PDPK1: variants seen among roughly 807,000 people sequenced by gnomAD.
PDPK1 encodes 3-phosphoinositide-dependent protein kinase 1.
PDPK1 carries 7 observed loss-of-function variants against 39.8 expected under a neutral mutation model. The observed-to-expected ratio is 0.18, with a 90% CI of 0.10 to 0.33. The LOEUF (loss-of-function observed/expected upper bound fraction) is 0.33, where lower values mean the gene tolerates loss of function less well. Ranked by LOEUF, PDPK1 falls within the 10% of genes least tolerant of loss-of-function variation. The probability of loss-of-function intolerance (pLI) is 1.00; values close to 1 mark genes in which losing one functional copy is unlikely to be tolerated. For synonymous variants in PDPK1, 118 were observed against 159.1 expected (o/e 0.74, Z 1.95); for missense variants, 182 against 384.7 (o/e 0.47, Z 4.41).
In PDPK1 at chr16:2,603,088, C is replaced by CTT. The variant is rs111618468; in HGVS notation, c.*5331_*5332dup. ...ATATAATTTAATGAATCTGTTTATC[C>CTT]TTTTTTTTTTTCCAAATACTTGTGC... On this transcript the variant is annotated 3_prime_UTR_variant, in exon 14 of 14. Transcript: ENST00000342085. 0.021 allele frequency: 4,214 copies of CTT among 203,448 alleles called. 161 individuals carry two copies. Among genetic ancestry groups the CTT allele is most frequent in the African/African-American group, 0.088 (3,775 of 42,908 alleles). 12.6% of individuals were successfully genotyped at this position (203,448 alleles called of 1,614,324 possible).
chr16:2,603,093 T>A lies in PDPK1; in HGVS notation c.*5326T>A, dbSNP rs1443790766. ...ATTTAATGAATCTGTTTATCCTTTT[T>A]TTTTTTCCAAATACTTGTGCTTTAG... On this transcript the variant is annotated 3_prime_UTR_variant, in exon 14 of 14. Coordinates refer to ENST00000342085, the MANE Select transcript of PDPK1 (RefSeq NM_002613.5). 2 of 227,584 alleles carry A rather than the reference T, an allele frequency of 8.8e-6. No individual in the cohort carries two copies. Among genetic ancestry groups the A allele is most frequent in the African/African-American group, 4.4e-5 (2 of 44,996 alleles). 14.1% of individuals were successfully genotyped at this position (227,584 alleles called of 1,614,324 possible). A position where few individuals can be genotyped will look rare whatever the true frequency, so the allele number is the denominator to read the frequency against.
At chr16:2,588,959 G>A (rs954065575) in intron 11 of PDPK1, among the ~76,000 whole-genome samples, 1 of 152,068 alleles carries the variant, frequency 6.6e-6, no homozygotes, top group African/African-American at 2.4e-5. Flanking sequence ...GTATCAATAT[G>A]TTTTGTTTTT....
chr16:2,585,289 G>A (rs2066844238), intron 10 of PDPK1, among the ~76,000 whole-genome samples: 1 of 152,202 alleles, frequency 6.6e-6, no homozygotes, highest in African/African-American at 2.4e-5. Flanking sequence ...CCCATCCTTA[G>A]CTCTGCACAG....
Position 2,601,229 on chromosome 16 carries a change from A to T in PDPK1, c.*3462A>T, listed in dbSNP as rs2067208869. 1 of 234,086 alleles carries T rather than the reference A, an allele frequency of 4.3e-6. No individual in the cohort carries two copies. The highest frequency in any genetic ancestry group is 2.2e-5 in the African/African-American group (1 of 45,266). 14.5% of individuals were successfully genotyped at this position (234,086 alleles called of 1,614,324 possible). On this transcript the variant is annotated 3_prime_UTR_variant, in exon 14 of 14. Transcript: ENST00000342085. The stretch of plus-strand genomic sequence containing the variant: ...GTAGACGCTCACTTCCAGTAGCAGA[A>T]CCACCTTAGTTGTGTCTTACAGATT...
intron 11 of PDPK1, among the ~76,000 whole-genome samples, chr16:2,590,609 C>G (rs2066970410): frequency 1.3e-5 from 2 of 152,210 alleles, no homozygotes; most frequent in African/African-American, 4.8e-5. Context: ...GTTATGCAGA[C>G]TTAGCTATTT....
chr16:2,596,458 T>G (rs535713643), intron 12 of PDPK1, among the ~76,000 whole-genome samples: 1 of 152,216 alleles, frequency 6.6e-6, no homozygotes, highest in South Asian at 2.1e-4. Context: ...CCTTCCAAAG[T>G]GCTGGGATTA....
intron 7 of PDPK1, among the ~76,000 whole-genome samples, 161 bp downstream of exon 7, chr16:2,577,661 C>G (rs897289059): frequency 2.7e-5 from 4 of 149,032 alleles, no homozygotes; most frequent in Admixed American, 2.0e-4. Flanking sequence ...ACACGTGATG[C>G]GTTAGTGTTG....
In PDPK1 at chr16:2,598,931, C is replaced by T. The variant is rs927237625; in HGVS notation, c.*1164C>T. 2.1e-5 allele frequency: 5 copies of T among 233,216 alleles called. No individual in the cohort carries two copies. The highest frequency in any genetic ancestry group is 1.2e-4 in the East Asian group (2 of 16,602). The allele number at this position is 233,216 out of a possible 1,614,324, so 14.4% of individuals were successfully genotyped here. A position where few individuals can be genotyped will look rare whatever the true frequency, so the allele number is the denominator to read the frequency against. ...AAATCTCACAGCCTTCTCATGCTGC[C>T]GGCTCATCTGGGCCCATAGAGTGGG... On this transcript the variant is annotated 3_prime_UTR_variant, in exon 14 of 14. Transcript: ENST00000342085.
intron 1 of PDPK1, among the ~76,000 whole-genome samples, chr16:2,546,434 A>G (rs2066348393): frequency 6.6e-6 from 1 of 152,084 alleles, no homozygotes; most frequent in Admixed American, 6.5e-5. Context: ...CCCCGGTTCA[A>G]GCGATTCTCC....
chr16:2,597,637 T>G lies in PDPK1; in HGVS notation c.1555-14T>G. On this transcript the variant is annotated splice_polypyrimidine_tract_variant and intron_variant, in intron 13 of 13. Coordinates refer to ENST00000342085, the MANE Select transcript of PDPK1 (RefSeq NM_002613.5). This position sits in a 1 kb window ranked among gnomAD's most constrained non-coding sequence, Gnocchi z 6.3. ...GACTCCCTGGAGAACACTAAACGGC[T>G]TCTGTCTTCGCAGCCTAACAGGACG... is the stretch of plus-strand genomic sequence containing the variant. The G allele has an allele frequency of 6.3e-7, 1 of 1,588,476 alleles. No homozygotes were observed. The highest frequency in any genetic ancestry group is 8.6e-7 in the Non-Finnish European group (1 of 1,156,842).
chr16:2,544,685 A>G (rs1454674434), intron 1 of PDPK1, among the ~76,000 whole-genome samples: 6 of 150,308 alleles, frequency 4.0e-5, no homozygotes, highest in African/African-American at 7.4e-5. Context: ...CTGGGTTCAC[A>G]CCATTCTCCT....
intron 7 of PDPK1, chr16:2,578,274 C>T (rs2066755885): frequency 6.8e-6 from 1 of 147,260 alleles, no homozygotes; most frequent in African/African-American, 2.7e-5. Context: ...CTTTGAGAGA[C>T]ACAGCTGGGT....
chr16:2,596,083 C>T (rs2067096169), intron 12 of PDPK1, among the ~76,000 whole-genome samples: 1 of 152,236 alleles, frequency 6.6e-6, no homozygotes, highest in Admixed American at 6.5e-5. Flanking sequence ...TCCTGGGAGC[C>T]TGGGGCTGCC....
chr16:2,588,030 G>T (rs577603072), intron 11 of PDPK1, among the ~76,000 whole-genome samples: 1 of 152,186 alleles, frequency 6.6e-6, no homozygotes, highest in Non-Finnish European at 1.5e-5. Context: ...CACAAGACGA[G>T]GGGGAGTTGA....
intron 6 of PDPK1, among the ~76,000 whole-genome samples, chr16:2,573,322 G>A (rs2066668534): frequency 3.9e-3 from 5 of 1,294 alleles, no homozygotes; most frequent in South Asian, 0.035. Flanking sequence ...AGCCTGCCGG[G>A]ATCTGAGAAG....
At chr16:2,586,613 T>C in intron 10 of PDPK1, 63 bp from the exon 11 acceptor site, 1 of 1,435,848 alleles carries the variant, frequency 7.0e-7, no homozygotes, top group Non-Finnish European at 9.8e-7. Context: ...CGGGAGGGGC[T>C]GGGGTTTTAG....
chr16:2,544,996 A>G (rs1383139519), intron 1 of PDPK1, among the ~76,000 whole-genome samples: 1 of 151,334 alleles, frequency 6.6e-6, no homozygotes, highest in Non-Finnish European at 1.5e-5. Flanking sequence ...TGTCACCTGT[A>G]CAACCTCTTC....
chr16:2,538,623 T>C, intron 1 of PDPK1: 1 of 1,289,082 alleles, frequency 7.8e-7, no homozygotes, highest in South Asian at 1.2e-5. Context: ...TTCCAGATTC[T>C]TGATGACAGT....
At chr16:2,573,799 T>TA (rs1285171120) in intron 6 of PDPK1, among the ~76,000 whole-genome samples, 23 of 120,784 alleles carry the variant, frequency 1.9e-4, no homozygotes, top group South Asian at 1.6e-3. Context: ...CTGTTTTTAT[T>TA]TTTTTTTTTT....
Sources: gnomAD v4.1 joint callset for allele counts (sites outside exome capture counted in the v4.1 genomes callset) on GRCh38, gnomAD v4.1.1 for gene constraint, Gnocchi (gnomAD v3.1) non-coding constraint, MANE v1.5 for transcripts, NCBI Gene and HGNC (gene_info 2026-07-23, HGNC 2026-07-21) for gene names.